LRP1B: variants seen among roughly 807,000 people sequenced by gnomAD.
LRP1B encodes the protein low-density lipoprotein receptor-related protein 1B.
Under a neutral mutation model 556.6 loss-of-function variants are expected in LRP1B, and 217 were observed. That is an observed-to-expected ratio of 0.39 (90% CI 0.35 to 0.44). The LOEUF is 0.44. LRP1B is among the 20% of genes least tolerant of loss of function. The pLI, the probability that LRP1B is intolerant of heterozygous loss-of-function variation, is 1.00. For missense variants in LRP1B, 5,053 were observed against 5,620.8 expected (o/e 0.90, Z 3.23); for synonymous variants, 2,047 against 1,865.8 (o/e 1.10, Z -2.50).
At chr2:141,527,669 T>C (rs751291847) in intron 2 of LRP1B, among the ~76,000 whole-genome samples, 91 of 152,200 alleles carry the variant, frequency 6.0e-4, no homozygotes, top group Non-Finnish European at 1.2e-3. Context: ...TTTTTACTTA[T>C]CAAAGTAAAA....
chr2:141,049,085 G>A lies in LRP1B; in HGVS notation c.1690C>T (p.His564Tyr), dbSNP rs2105445816. The A allele has an allele frequency of 1.2e-6, 2 of 1,613,646 alleles. No individual in the cohort carries two copies. Among genetic ancestry groups the A allele is most frequent in the Non-Finnish European group, 1.7e-6 (2 of 1,179,726 alleles). The change falls in exon 11 of 91, where the codon CAC becomes TAC. Residue 564 changes from histidine (H) to tyrosine (Y), a missense_variant. By Grantham distance (83) the His-to-Tyr change is moderately conservative. This residue lies in a region of LRP1B where 3,619 missense variants were observed against 3,931.9 expected (regional missense o/e 0.92). Coordinates refer to ENST00000389484, the MANE Select transcript of LRP1B (RefSeq NM_018557.3). Reference protein sequence around the residue: ...NLVNPRALDFHAETNYIYFAD... With the variant: ...NLVNPRALDFYAETNYIYFAD... ...AAGTAGATGTAATTGGTTTCTGCGT[G>A]AAAGTCTAAAGCACGAGGGTTTACC...
chr2:140,564,528 T>C (rs1285316997), intron 43 of LRP1B, among the ~76,000 whole-genome samples: 3 of 152,076 alleles, frequency 2.0e-5, no homozygotes, highest in Non-Finnish European at 4.4e-5. Flanking sequence ...AAAATATGAA[T>C]ACTCATATAA....
chr2:140,716,559 A>G, intron 36 of LRP1B, 123 bp downstream of exon 36: 1 of 938,712 alleles, frequency 1.1e-6, no homozygotes, highest in Admixed American at 2.8e-5. Flanking sequence ...GAGACTATTT[A>G]CCCCTGTGGC....
intron 2 of LRP1B, among the ~76,000 whole-genome samples, chr2:141,544,523 C>T (rs950553298): frequency 6.6e-5 from 10 of 151,482 alleles, no homozygotes; most frequent in African/African-American, 2.4e-4. Context: ...TCAAGTGATC[C>T]TCCCACCTTG....
intron 22 of LRP1B, among the ~76,000 whole-genome samples, chr2:140,905,048 T>A (rs926787972): frequency 1.3e-5 from 2 of 152,120 alleles, no homozygotes; most frequent in African/African-American, 4.8e-5. Context: ...CCTAAACCTG[T>A]CATTAATCCT....
At chr2:140,910,126 A>G (rs1049679234) in intron 21 of LRP1B, among the ~76,000 whole-genome samples, 9 of 151,252 alleles carry the variant, frequency 6.0e-5, no homozygotes, top group African/African-American at 1.9e-4. Flanking sequence ...AGGAATCTTA[A>G]TGAGTAGAAA....
At chr2:140,321,331 G>C (rs1326624211) in intron 82 of LRP1B, among the ~76,000 whole-genome samples, 1 of 151,382 alleles carries the variant, frequency 6.6e-6, no homozygotes, top group African/African-American at 2.4e-5. Context: ...AATACAAACT[G>C]CATGAATGAA....
chr2:140,996,277 A>C (rs1429860973), intron 15 of LRP1B, among the ~76,000 whole-genome samples: 1 of 152,026 alleles, frequency 6.6e-6, no homozygotes, highest in Non-Finnish European at 1.5e-5. Flanking sequence ...TAGTTATATC[A>C]CAAAGAAACC....
intron 28 of LRP1B, 138 bp from the exon 29 acceptor site, chr2:140,850,467 C>A (rs1692424040): frequency 3.5e-6 from 2 of 570,248 alleles, no homozygotes; most frequent in Non-Finnish European, 6.2e-6. Flanking sequence ...AATGCAGTAA[C>A]AATTTATCTA....
intron 7 of LRP1B, among the ~76,000 whole-genome samples, chr2:141,115,006 A>G (rs1319426342): frequency 1.3e-5 from 2 of 152,206 alleles, no homozygotes; most frequent in Non-Finnish European, 2.9e-5. Flanking sequence ...TCCGAAGGAA[A>G]CAAAACAAAC....
chr2:141,740,553 C>A (rs1251992015), intron 2 of LRP1B, among the ~76,000 whole-genome samples: 1 of 152,130 alleles, frequency 6.6e-6, no homozygotes, highest in African/African-American at 2.4e-5. Flanking sequence ...AACAGGGCAT[C>A]CATTACCTCA....
In LRP1B at chr2:140,267,682, G is replaced by A. The variant is rs186235896; in HGVS notation, c.13247+2560C>T. On this transcript the variant is annotated intron_variant, in intron 86 of 90. Transcript: ENST00000389484. ...TGCACTTGGTTGAACCCACGAATGT[G>A]GAGTGTGGGGATATAGAGGGCTGAT... 1.8e-3 allele frequency among the ~76,000 whole-genome samples: 272 copies of A among 151,902 alleles called. 1 individual carries two copies. Among genetic ancestry groups the A allele is most frequent in the Non-Finnish European group, 2.5e-3 (168 of 67,920 alleles).
At chr2:140,449,604 T>A (rs1247837604) in intron 63 of LRP1B, among the ~76,000 whole-genome samples, 1 of 152,160 alleles carries the variant, frequency 6.6e-6, no homozygotes, top group Non-Finnish European at 1.5e-5. Context: ...TTCAAACATA[T>A]GCACTATGTG....
At chr2:141,035,924 A>C (rs1698519881) in intron 11 of LRP1B, among the ~76,000 whole-genome samples, 1 of 152,152 alleles carries the variant, frequency 6.6e-6, no homozygotes, top group South Asian at 2.1e-4. Context: ...GAAAAGGGAA[A>C]GAAAACAGTT....
intron 82 of LRP1B, among the ~76,000 whole-genome samples, chr2:140,315,787 A>G (rs981196554): frequency 3.9e-5 from 6 of 152,154 alleles, no homozygotes; most frequent in Non-Finnish European, 7.4e-5. Context: ...TCTATAGCCT[A>G]TGCGTGTGTG....
At chr2:140,449,168 A>G (rs998160702) in intron 63 of LRP1B, among the ~76,000 whole-genome samples, 3 of 152,128 alleles carry the variant, frequency 2.0e-5, no homozygotes, top group South Asian at 2.1e-4. Flanking sequence ...AGAACAGTCA[A>G]TCTAGACAAG....
intron 41 of LRP1B, among the ~76,000 whole-genome samples, chr2:140,622,834 A>C (rs1683503294): frequency 6.6e-6 from 1 of 152,204 alleles, no homozygotes. Context: ...AACAGGGATC[A>C]GTTTTTAAGA....
chr2:140,496,160 T>C (rs554912521), intron 55 of LRP1B, among the ~76,000 whole-genome samples: 2 of 152,298 alleles, frequency 1.3e-5, no homozygotes, highest in African/African-American at 4.8e-5. Context: ...TTGTCACATA[T>C]GTTATTTCAT....
intron 11 of LRP1B, among the ~76,000 whole-genome samples, chr2:141,034,304 A>G (rs970032968): frequency 1.3e-5 from 2 of 152,112 alleles, no homozygotes; most frequent in Non-Finnish European, 2.9e-5. Context: ...TGTTAAAAAT[A>G]TCTTCATGTC....
Sources: gnomAD v4.1 joint callset for allele counts (sites outside exome capture counted in the v4.1 genomes callset) on GRCh38, gnomAD v4.1.1 for gene constraint, gnomAD v4.1.1 regional missense constraint, MANE v1.5 for transcripts, NCBI Gene and HGNC (gene_info 2026-07-23, HGNC 2026-07-21) for gene names.